The following EPB41L4A variants were observed in gnomAD, a reference collection of about 807,000 sequenced individuals.
EPB41L4A encodes the protein erythrocyte membrane protein band 4.1 like 4A, also known as band 4.1-like protein 4A.
Under a neutral mutation model 108.6 loss-of-function variants are expected in EPB41L4A, and 100 were observed. The ratio of observed to expected loss-of-function variants is 0.92; its 90% CI spans 0.78 to 1.09. The LOEUF (loss-of-function observed/expected upper bound fraction) is 1.09. Among genes scored for constraint, EPB41L4A ranks in the 50% least tolerant of loss-of-function variants. EPB41L4A has a pLI of 0.00. For missense variants in EPB41L4A, 1,030 were observed against 842.7 expected (o/e 1.22, Z -2.75); for synonymous variants, 319 against 289.0 (o/e 1.10, Z -1.05).
intron 4 of EPB41L4A, among the ~76,000 whole-genome samples, chr5:112,268,233 T>A (rs1351129058): frequency 2.0e-5 from 3 of 152,010 alleles, no homozygotes; most frequent in Non-Finnish European, 2.9e-5. Context: ...AATACAAAAG[T>A]TAGGAGTGGT....
intron 18 of EPB41L4A, among the ~76,000 whole-genome samples, chr5:112,178,446 A>G (rs1760982102): frequency 6.6e-6 from 1 of 152,150 alleles, no homozygotes; most frequent in African/African-American, 2.4e-5. Flanking sequence ...ACTATCAGCT[A>G]ACTGCATCTA....
intron 1 of EPB41L4A, among the ~76,000 whole-genome samples, chr5:112,372,154 G>C (rs1759534893): frequency 6.6e-6 from 1 of 152,212 alleles, no homozygotes; most frequent in Non-Finnish European, 1.5e-5. Flanking sequence ...ACAAAGAAAA[G>C]AGATTTAATT....
chr5:112,255,876 A>T (rs1391680388), intron 9 of EPB41L4A, among the ~76,000 whole-genome samples: 1 of 152,110 alleles, frequency 6.6e-6, no homozygotes, highest in Non-Finnish European at 1.5e-5. Context: ...GGGACTCCTG[A>T]TCTTCCTCCT....
intron 7 of EPB41L4A, among the ~76,000 whole-genome samples, chr5:112,261,482 T>A (rs72781630): frequency 0.035 from 5,260 of 152,282 alleles, 142 homozygotes; most frequent in Non-Finnish European, 0.049. Context: ...TTTCCTCAAA[T>A]AAAATTTAAC....
chr5:112,401,759 G>C (rs1243890103), intron 1 of EPB41L4A, among the ~76,000 whole-genome samples: 1 of 152,160 alleles, frequency 6.6e-6, no homozygotes, highest in Non-Finnish European at 1.5e-5. Context: ...ATGGAGACGA[G>C]ATTAGACAAA....
At chr5:112,306,350 A>T (rs1754677984) in intron 2 of EPB41L4A, among the ~76,000 whole-genome samples, 1 of 152,130 alleles carries the variant, frequency 6.6e-6, no homozygotes, top group Admixed American at 6.6e-5. Flanking sequence ...TAGCCTTTAG[A>T]AAGTTATTCC....
In EPB41L4A at chr5:112,266,222, G is replaced by A. The variant is rs114852479; in HGVS notation, c.433+11C>T. 1.2e-3 allele frequency: 1,973 copies of A among 1,580,428 alleles called. 24 individuals are homozygous for A. The African/African-American group carries it at 0.024, about 19-fold the overall frequency. ...ACATTTCTGAGGCAAATATGCTTAA[G>A]TGGCACCTACACTGGATGGCATACG... On this transcript the variant is annotated intron_variant, in intron 5 of 22. Transcript: ENST00000261486.
chr5:112,172,386 C>T (rs575911642), intron 18 of EPB41L4A, among the ~76,000 whole-genome samples: 3 of 152,072 alleles, frequency 2.0e-5, no homozygotes, highest in East Asian at 3.9e-4. Flanking sequence ...GTGGCATGTG[C>T]CTGTAATTCC....
intron 2 of EPB41L4A, among the ~76,000 whole-genome samples, chr5:112,293,160 T>A (rs1346264500): frequency 6.6e-6 from 1 of 152,188 alleles, no homozygotes. Flanking sequence ...CCTGATAGTT[T>A]TGTTATTAAG....
intron 18 of EPB41L4A, chr5:112,173,597 G>C (rs1760710945): frequency 6.7e-6 from 1 of 149,984 alleles, no homozygotes; most frequent in Admixed American, 6.7e-5. Flanking sequence ...AATTCCAAAG[G>C]AAATGCTTTT....
chr5:112,259,116 T>C, intron 9 of EPB41L4A, 113 bp downstream of exon 9: 2 of 804,790 alleles, frequency 2.5e-6, no homozygotes, highest in South Asian at 1.6e-5. Flanking sequence ...TTAATTAACC[T>C]GGTTCCATGT....
chr5:112,340,899 G>A (rs928354604), intron 1 of EPB41L4A, among the ~76,000 whole-genome samples: 4 of 151,898 alleles, frequency 2.6e-5, no homozygotes, highest in African/African-American at 9.7e-5. Flanking sequence ...TATACCCTTC[G>A]ACCTTTCCAC....
At chr5:112,220,923 G>GGT (rs2150336318) in intron 12 of EPB41L4A, among the ~76,000 whole-genome samples, 2 of 152,232 alleles carry the variant, frequency 1.3e-5, no homozygotes, top group East Asian at 3.9e-4. Context: ...ATTACCATTA[G>GGT]AATATACCCT....
chr5:112,215,435 T>A (rs1311482461), intron 12 of EPB41L4A, among the ~76,000 whole-genome samples: 2 of 151,936 alleles, frequency 1.3e-5, no homozygotes, highest in Non-Finnish European at 2.9e-5. Context: ...TAATCAAGAG[T>A]GTCCAATTCA....
At chr5:112,270,040 C>T (rs550374294) in intron 4 of EPB41L4A, among the ~76,000 whole-genome samples, 1 of 152,190 alleles carries the variant, frequency 6.6e-6, no homozygotes, top group African/African-American at 2.4e-5. Context: ...TAAATTGACA[C>T]CAAGGATGTA....
Position 112,146,022 on chromosome 5 carries a change from T to C in EPB41L4A, n.995-24A>G, listed in dbSNP as rs145468497. ...CCCTGTTAAAGAAAAAAGTTTGCTGTGACAAGTGTCAAACCCAATCTGGCT... is the reference window on the plus strand; with the variant it reads ...CCCTGTTAAAGAAAAAAGTTTGCTGCGACAAGTGTCAAACCCAATCTGGCT... On this transcript the variant is annotated intron_variant and non_coding_transcript_variant, in intron 12 of 13. Transcript: ENST00000507810. 1.3e-3 allele frequency: 607 copies of C among 455,880 alleles called. 3 individuals are homozygous for C. The highest frequency in any genetic ancestry group is 0.011 in the African/African-American group (546 of 50,140). 28.2% of individuals were successfully genotyped at this position (455,880 alleles called of 1,614,324 possible).
At chr5:112,320,579 T>C (rs1755710042) in intron 1 of EPB41L4A, among the ~76,000 whole-genome samples, 1 of 152,220 alleles carries the variant, frequency 6.6e-6, no homozygotes, top group South Asian at 2.1e-4. Flanking sequence ...AAGAATAGCC[T>C]GGGAACTTAA....
At chr5:112,249,772 C>CA (rs1219952982) in intron 9 of EPB41L4A, 1 of 152,178 alleles carries the variant, frequency 6.6e-6, no homozygotes, top group Non-Finnish European at 1.5e-5. Context: ...TTTCTTACAA[C>CA]ACTAAGGTCT....
At chr5:112,331,030 T>C (rs1756528267) in intron 1 of EPB41L4A, among the ~76,000 whole-genome samples, 1 of 152,084 alleles carries the variant, frequency 6.6e-6, no homozygotes, top group African/African-American at 2.4e-5. Flanking sequence ...GAGCTACCTT[T>C]CTCTTCTTAA....
Sources: allele counts gnomAD v4.1 joint callset (sites outside exome capture counted in the v4.1 genomes callset), GRCh38; gene constraint gnomAD v4.1.1; transcripts MANE v1.5; gene names NCBI Gene and HGNC (gene_info 2026-07-23, HGNC 2026-07-21).